Variants in CDH13 observed in about 807,000 individuals in gnomAD.
CDH13 encodes cadherin 13.
In CDH13, 24 loss-of-function variants were observed where a neutral mutation model predicts 63.8. That is an observed-to-expected ratio of 0.38 (90% confidence interval 0.27 to 0.53). The LOEUF (loss-of-function observed/expected upper bound fraction) is 0.53. Among genes scored for constraint, CDH13 ranks in the 20% least tolerant of loss-of-function variants. CDH13 has a pLI of 0.85. For missense variants in CDH13, 1,049 were observed against 903.1 expected, an observed-to-expected ratio of 1.16 and a Z score of -2.07; for synonymous variants, 503 against 355.3, an observed-to-expected ratio of 1.42 and a Z score of -4.67.
chr16:83,274,520 C>G (rs889907715), intron 5 of CDH13, among the ~76,000 whole-genome samples: 1 of 152,142 alleles, frequency 6.6e-6, no homozygotes, highest in African/African-American at 2.4e-5. Flanking sequence ...GTGAGGTTAT[C>G]TGATTAGTGT....
intron 12 of CDH13, among the ~76,000 whole-genome samples, chr16:83,781,570 T>C (rs539093708): frequency 5.9e-5 from 9 of 152,350 alleles, no homozygotes; most frequent in African/African-American, 2.2e-4. Context: ...TTGCTTGTTA[T>C]TGATTCTATT....
chr16:82,890,126 C>T (rs182822721), intron 2 of CDH13, among the ~76,000 whole-genome samples: 5 of 152,338 alleles, frequency 3.3e-5, no homozygotes, highest in Admixed American at 1.3e-4. Context: ...AGACACCAAT[C>T]AGTTGATGCT....
At chr16:83,113,126 A>G (rs1300474469) in intron 3 of CDH13, among the ~76,000 whole-genome samples, 1 of 152,230 alleles carries the variant, frequency 6.6e-6, no homozygotes, top group African/African-American at 2.4e-5. Context: ...AAACCAAGAC[A>G]CCTGCGGTAG....
intron 9 of CDH13, among the ~76,000 whole-genome samples, chr16:83,672,450 G>T (rs1330572815): frequency 1.3e-5 from 1 of 76,220 alleles, no homozygotes; most frequent in African/African-American, 4.5e-5. Flanking sequence ...TTTTGAGACA[G>T]AGTCTTGCTC....
chr16:83,658,557 C>T (rs1913110494), intron 8 of CDH13, among the ~76,000 whole-genome samples: 2 of 143,354 alleles, frequency 1.4e-5, no homozygotes, highest in African/African-American at 5.1e-5. Flanking sequence ...CCCATATCCT[C>T]ACCACCAGGT....
chr16:82,700,456 T>A (rs1283333095), intron 1 of CDH13, among the ~76,000 whole-genome samples: 1 of 152,168 alleles, frequency 6.6e-6, no homozygotes, highest in African/African-American at 2.4e-5. Context: ...GGACATTAGC[T>A]TGTATTTTCA....
At chr16:83,396,915 T>A (rs564256612) in intron 6 of CDH13, among the ~76,000 whole-genome samples, 1 of 152,194 alleles carries the variant, frequency 6.6e-6, no homozygotes, top group South Asian at 2.1e-4. Flanking sequence ...CTTCTATCAT[T>A]GTCCCAGGTT....
chr16:82,834,179 C>T (rs2038665745), intron 1 of CDH13, among the ~76,000 whole-genome samples: 1 of 152,168 alleles, frequency 6.6e-6, no homozygotes, highest in Non-Finnish European at 1.5e-5. Flanking sequence ...CTGGGAGATC[C>T]ATTTCTTCTC....
chr16:83,294,196 T>C (rs1026927715), intron 5 of CDH13, among the ~76,000 whole-genome samples: 4 of 152,348 alleles, frequency 2.6e-5, no homozygotes, highest in Admixed American at 2.6e-4. Context: ...TAAATCTAGC[T>C]AATGAACATA....
At chr16:83,373,948 G>C (rs1368305191) in intron 6 of CDH13, among the ~76,000 whole-genome samples, 42 of 152,166 alleles carry the variant, frequency 2.8e-4, no homozygotes, top group Non-Finnish European at 1.8e-4. Context: ...TGAGCATGCT[G>C]ACCTTACTCA....
chr16:83,763,531 T>C (rs922071453), intron 11 of CDH13, among the ~76,000 whole-genome samples: 3 of 152,160 alleles, frequency 2.0e-5, no homozygotes, highest in Non-Finnish European at 2.9e-5. Context: ...CCTCAGCCTG[T>C]GGTCTTTCTC....
At chr16:83,049,325 C>CTTTTTTTTTTTTTTTTTTTTTTTTTTTT (rs34082309) in intron 3 of CDH13, among the ~76,000 whole-genome samples, 1 of 126,102 alleles carries the variant, frequency 7.9e-6, no homozygotes, top group African/African-American at 3.1e-5. Context: ...TGACTGGCCT[C>CTTTTTTTTTTTTTTTTTTTTTTTTTTTT]TTTTTTTTTT....
chr16:82,913,025 G>T (rs2041880871), intron 2 of CDH13, among the ~76,000 whole-genome samples: 1 of 151,890 alleles, frequency 6.6e-6, no homozygotes, highest in Admixed American at 6.6e-5. Context: ...CTGAATTTAG[G>T]CCTAATTCAA....
At chr16:82,830,547 G>T (rs2038489996) in intron 1 of CDH13, among the ~76,000 whole-genome samples, 1 of 152,134 alleles carries the variant, frequency 6.6e-6, no homozygotes, top group South Asian at 2.1e-4. Flanking sequence ...GAATGGTGAG[G>T]GGTGGGAGCG....
At chr16:82,829,349 T>C (rs1331465096) in intron 1 of CDH13, 1 of 152,202 alleles carries the variant, frequency 6.6e-6, no homozygotes, top group Non-Finnish European at 1.5e-5. Flanking sequence ...AAATACACAG[T>C]TTGGGAGCCC....
At chr16:83,733,921 G>A (rs1326634273) in intron 10 of CDH13, among the ~76,000 whole-genome samples, 4 of 152,172 alleles carry the variant, frequency 2.6e-5, no homozygotes, top group African/African-American at 9.7e-5. Context: ...AGAGCCCCCT[G>A]CCCCAGGTTC....
At chr16:83,298,903 C>T (rs2089665372) in intron 5 of CDH13, among the ~76,000 whole-genome samples, 1 of 152,126 alleles carries the variant, frequency 6.6e-6, no homozygotes, top group African/African-American at 2.4e-5. Context: ...GGGCATCTTC[C>T]TTGCTTTATG....
chr16:83,408,947 C>G (rs2092087221), intron 6 of CDH13, among the ~76,000 whole-genome samples: 1 of 152,138 alleles, frequency 6.6e-6, no homozygotes, highest in African/African-American at 2.4e-5. Context: ...CCAGGTGTTT[C>G]TGCATGGGAA....
intron 6 of CDH13, among the ~76,000 whole-genome samples, chr16:83,478,853 A>AT (rs1376993891): frequency 1.3e-5 from 2 of 150,798 alleles, no homozygotes; most frequent in Non-Finnish European, 2.9e-5. Context: ...AAAAAAAAAA[A>AT]GAAAAAAAGA....
Sources: gnomAD v4.1 joint callset for allele counts (sites outside exome capture counted in the v4.1 genomes callset) on GRCh38, gnomAD v4.1.1 for gene constraint, MANE v1.5 for transcripts, NCBI Gene and HGNC (gene_info 2026-07-23, HGNC 2026-07-21) for gene names.